The following CRADD variants were observed in gnomAD, a reference collection of about 807,000 sequenced individuals.
CRADD encodes death domain-containing protein CRADD.
CRADD carries 9 observed loss-of-function variants against 15.5 expected under a neutral mutation model. The ratio of observed to expected loss-of-function variants is 0.58; its 90% CI spans 0.35 to 1.01. CRADD has a LOEUF of 1.01. Among genes scored for constraint, CRADD ranks in the 50% least tolerant of loss-of-function variants. The pLI is 0.02. For missense variants in CRADD, 227 were observed against 250.3 expected (o/e 0.91, Z 0.63); for synonymous variants, 118 against 107.6 (o/e 1.10, Z -0.60).
At chr12:93,742,778 A>G (rs570636349) in intron 2 of CRADD, among the ~76,000 whole-genome samples, 24 of 152,080 alleles carry the variant, frequency 1.6e-4, no homozygotes, top group African/African-American at 4.1e-4. Context: ...GTTGCCGGCA[A>G]TTTCTTGTTG....
intron 2 of CRADD, among the ~76,000 whole-genome samples, chr12:93,700,676 C>T (rs368349758): frequency 5.9e-5 from 9 of 152,254 alleles, no homozygotes; most frequent in East Asian, 3.9e-4. Flanking sequence ...GTGATCTGCC[C>T]GCCTTGGTCT....
rs562303362 is a variant in CRADD at position 93,780,592 on chromosome 12, G to A, written c.299-69378G>A. Among the ~76,000 whole-genome samples, 12 of 152,226 alleles carry A rather than the reference G, an allele frequency of 7.9e-5. No homozygotes were observed. In the South Asian group the frequency reaches 2.1e-3, roughly 26 times the overall value. Reference sequence around the variant, plus strand: ...CACATCTAGTGTTTTCAACAGGATTGCATTTTTTTGGTTTAAATTATATTG... The same window carrying A: ...CACATCTAGTGTTTTCAACAGGATTACATTTTTTTGGTTTAAATTATATTG... On this transcript the variant is annotated intron_variant, in intron 2 of 2. Coordinates refer to ENST00000332896, the MANE Select transcript of CRADD (RefSeq NM_003805.5).
intron 2 of CRADD, among the ~76,000 whole-genome samples, chr12:93,780,804 G>C (rs1957199696): frequency 6.6e-6 from 1 of 150,700 alleles, no homozygotes; most frequent in Non-Finnish European, 1.5e-5. Flanking sequence ...GCAGTGGTGT[G>C]ATCTTGGCTC....
At chr12:93,782,900 G>A (rs967943235) in intron 2 of CRADD, among the ~76,000 whole-genome samples, 7 of 152,128 alleles carry the variant, frequency 4.6e-5, no homozygotes, top group African/African-American at 7.2e-5. Context: ...AGGGAAATAC[G>A]TGAAATCAGA....
In CRADD at chr12:93,812,522, CAA is replaced by C. The variant is rs34615107; in HGVS notation, c.299-37434_299-37433del. 9.7e-4 allele frequency among the ~76,000 whole-genome samples: 121 copies of C among 124,416 alleles called. 1 individual carries two copies. Among genetic ancestry groups the C allele is most frequent in the African/African-American group, 2.5e-3 (86 of 34,946 alleles). 81.6% of individuals were successfully genotyped at this position (124,416 alleles called of 152,430 possible). ...AAACCCCATCTCTACTAAAAAAATA[CAA>C]AAAAAAAAAAAAATTGTATTCTAAG... is the stretch of plus-strand genomic sequence containing the variant. On this transcript the variant is annotated intron_variant, in intron 2 of 2. Transcript: ENST00000332896.
chr12:93,785,911 T>G (rs1284364907), intron 2 of CRADD, among the ~76,000 whole-genome samples: 1 of 152,222 alleles, frequency 6.6e-6, no homozygotes, highest in Non-Finnish European at 1.5e-5. Context: ...TGTATCTTAC[T>G]TCATCAAAAT....
chr12:93,802,010 CAA>C (rs771265877), intron 2 of CRADD, among the ~76,000 whole-genome samples: 2 of 152,220 alleles, frequency 1.3e-5, no homozygotes, highest in Non-Finnish European at 2.9e-5. Context: ...CAAGTTGCCA[CAA>C]AAGACATTAT....
intron 2 of CRADD, among the ~76,000 whole-genome samples, chr12:93,823,723 A>G (rs898159081): frequency 1.3e-5 from 2 of 152,188 alleles, no homozygotes; most frequent in Non-Finnish European, 2.9e-5. Flanking sequence ...TTCACGCAGA[A>G]GTGGAGATAA....
chr12:93,889,354 C>T (rs1565949735), intron 2 of CRADD, among the ~76,000 whole-genome samples: 1 of 152,140 alleles, frequency 6.6e-6, no homozygotes, highest in African/African-American at 2.4e-5. Context: ...GAGCCCAGCT[C>T]AGGTTCCTCC....
chr12:93,716,711 C>T (rs1033825205), intron 2 of CRADD, among the ~76,000 whole-genome samples: 3 of 152,178 alleles, frequency 2.0e-5, no homozygotes, highest in Non-Finnish European at 4.4e-5. Context: ...CTTAATAGCT[C>T]GTTTCCTTTT....
intron 2 of CRADD, among the ~76,000 whole-genome samples, chr12:93,773,427 A>T (rs909807394): frequency 6.6e-6 from 1 of 152,176 alleles, no homozygotes; most frequent in Non-Finnish European, 1.5e-5. Flanking sequence ...GTCTGCTGCC[A>T]TGTGAGGTGT....
intron 2 of CRADD, among the ~76,000 whole-genome samples, chr12:93,777,270 T>C (rs541399920): frequency 1.7e-4 from 26 of 152,264 alleles, no homozygotes; most frequent in South Asian, 6.2e-4. Flanking sequence ...TTTTTTCCCC[T>C]AACAGAATAG....
rs558667475 is a variant in CRADD at position 93,682,334 on chromosome 12, A to G, written c.298+3262A>G. ...TGTGTACACATTAACCTCTTAATGT[A>G]TGTACACATTAAACTCTTCCTACCT... On this transcript the variant is annotated intron_variant, in intron 2 of 2. Coordinates refer to ENST00000332896, the MANE Select transcript of CRADD (RefSeq NM_003805.5). 1.2e-4 allele frequency among the ~76,000 whole-genome samples: 19 copies of G among 152,316 alleles called. No homozygotes were observed. In the South Asian group the frequency reaches 3.9e-3, roughly 32 times the overall value.
intron 2 of CRADD, among the ~76,000 whole-genome samples, chr12:93,863,189 A>G (rs1958331157): frequency 6.6e-6 from 1 of 152,110 alleles, no homozygotes; most frequent in African/African-American, 2.4e-5. Flanking sequence ...GGCAGTGGGC[A>G]TTGTCTCTGG....
chr12:93,851,182 G>A (rs1237045643), downstream of CRADD, among the ~76,000 whole-genome samples: 3 of 152,126 alleles, frequency 2.0e-5, no homozygotes, highest in South Asian at 2.1e-4. Context: ...CTGTTTTCAC[G>A]GCTTTTCCTG....
intron 2 of CRADD, among the ~76,000 whole-genome samples, chr12:93,832,720 G>C (rs1442257035): frequency 6.6e-6 from 1 of 152,158 alleles, no homozygotes; most frequent in African/African-American, 2.4e-5. Context: ...ACAATCATCA[G>C]TAGGAAATAA....
At chr12:93,868,087 T>C (rs1958385743) in intron 2 of CRADD, among the ~76,000 whole-genome samples, 1 of 152,346 alleles carries the variant, frequency 6.6e-6, no homozygotes, top group South Asian at 2.1e-4. Flanking sequence ...ACTTATTAAG[T>C]AGTAATTGGT....
chr12:93,812,009 G>C (rs565418515), intron 2 of CRADD, among the ~76,000 whole-genome samples: 14 of 152,292 alleles, frequency 9.2e-5, no homozygotes, highest in Non-Finnish European at 1.9e-4. Context: ...AATACACGTT[G>C]ATAAGTGAAA....
At chr12:93,788,845 G>C (rs896021932) in intron 2 of CRADD, among the ~76,000 whole-genome samples, 1 of 152,106 alleles carries the variant, frequency 6.6e-6, no homozygotes, top group Non-Finnish European at 1.5e-5. Flanking sequence ...GGAATCACAG[G>C]AGACAGGGCA....
Sources: gnomAD v4.1 joint callset for allele counts (sites outside exome capture counted in the v4.1 genomes callset) on GRCh38, gnomAD v4.1.1 for gene constraint, MANE v1.5 for transcripts, NCBI Gene and HGNC (gene_info 2026-07-23, HGNC 2026-07-21) for gene names.